RDM1: variants seen among roughly 807,000 people sequenced by gnomAD.
The protein encoded by RDM1 is RAD52 motif containing 1.
Under a neutral mutation model 27.7 loss-of-function variants are expected in RDM1, and 28 were observed. The ratio of observed to expected loss-of-function variants is 1.01; its 90% CI spans 0.75 to 1.39. The LOEUF is 1.39. Among genes scored for constraint, RDM1 ranks in the 40% most tolerant of loss-of-function variants. RDM1 has a pLI of 0.00. For missense variants in RDM1, 277 were observed against 337.3 expected, an observed-to-expected ratio of 0.82 and a Z score of 1.40; for synonymous variants, 124 against 127.5, an observed-to-expected ratio of 0.97 and a Z score of 0.19.
chr17:35,927,605 T>G (rs550341675), intron 2 of RDM1, among the ~76,000 whole-genome samples: 1 of 151,900 alleles, frequency 6.6e-6, no homozygotes, highest in Non-Finnish European at 1.5e-5. Context: ...CGTGCTAAAG[T>G]AGAAAAGAAC....
intron 2 of RDM1, among the ~76,000 whole-genome samples, 188 bp downstream of exon 2, chr17:35,929,888 A>T (rs1399896116): frequency 6.6e-6 from 1 of 152,184 alleles, no homozygotes; most frequent in East Asian, 1.9e-4. Context: ...CTTGTCAGGA[A>T]CCTTAAACAA....
chr17:35,926,625 C>T (rs534489510), intron 2 of RDM1, among the ~76,000 whole-genome samples: 4 of 152,202 alleles, frequency 2.6e-5, no homozygotes, highest in Admixed American at 6.5e-5. Flanking sequence ...AGGATGGTCT[C>T]GATCTCCTGA....
intron 5 of RDM1, 77 bp from the exon 6 acceptor site, chr17:35,920,349 T>C: frequency 1.6e-6 from 1 of 629,066 alleles, no homozygotes; most frequent in Non-Finnish European, 2.7e-6. Context: ...TAGCACCCCA[T>C]GATGAAACAT....
intron 3 of RDM1, 89 bp from the exon 4 acceptor site, chr17:35,924,861 C>T (rs376651183): frequency 1.8e-5 from 24 of 1,362,420 alleles, no homozygotes; most frequent in African/African-American, 7.2e-5. Flanking sequence ...CTTGGCTGGG[C>T]GTGGTGGTTC....
intron 6 of RDM1, among the ~76,000 whole-genome samples, chr17:35,919,239 T>A (rs2702947): frequency 0.23 from 34,761 of 152,026 alleles, 4,810 homozygotes; most frequent in African/African-American, 0.39. Context: ...CTACTTTTTT[T>A]AAAGAATTCC....
Position 35,918,241 on chromosome 17 carries a change from C to A in RDM1, c.*101G>T. 1.0e-6 allele frequency: 1 copy of A among 998,092 alleles called. No individual in the cohort carries two copies. Among genetic ancestry groups the A allele is most frequent in the Non-Finnish European group, 1.5e-6 (1 of 647,040 alleles). The allele number at this position is 998,092 out of a possible 1,614,324, so 61.8% of individuals were successfully genotyped here. ...TTTGGGCGGCCGACCCAGGTGGTTC[C>A]AGGACTCCAGCAGCCTATAGTGGTG... On this transcript the variant is annotated 3_prime_UTR_variant, in exon 7 of 7. Coordinates refer to ENST00000620284, the MANE Select transcript of RDM1 (RefSeq NM_145654.4).
chr17:35,920,127 C>CT lies in RDM1; in HGVS notation c.753+59dup, dbSNP rs546265173. The CT allele has an allele frequency of 2.3e-3, 1,891 of 836,602 alleles. 8 individuals carry two copies. The highest frequency in any genetic ancestry group is 3.3e-3 in the Non-Finnish European group (1,703 of 509,910). 51.8% of individuals were successfully genotyped at this position (836,602 alleles called of 1,614,324 possible). A position where few individuals can be genotyped will look rare whatever the true frequency, so the allele number is the denominator to read the frequency against. On this transcript the variant is annotated intron_variant, in intron 6 of 6. Coordinates refer to ENST00000620284, the MANE Select transcript of RDM1 (RefSeq NM_145654.4). ...ACAAATTATCCTCCAAATTATGCTG[C>CT]TTTTTTTTGAATTATGGTTACACTG...
At chr17:35,923,349 CAAAA>C (rs1013511994) in intron 4 of RDM1, among the ~76,000 whole-genome samples, 4 of 47,266 alleles carry the variant, frequency 8.5e-5, no homozygotes, top group Non-Finnish European at 1.7e-4. Flanking sequence ...GATTCTGTCT[CAAAA>C]AAAAAAAAAA....
chr17:35,919,370 G>A (rs192600022), intron 6 of RDM1, among the ~76,000 whole-genome samples: 4,058 of 125,642 alleles, frequency 0.032, 175 homozygotes, highest in African/African-American at 0.1. Context: ...TGAGAAATAT[G>A]TCATTAGGTG....
At position 35,927,707 on chromosome 17, in the gene RDM1, T is replaced by C. The variant is rs1307308332; in HGVS notation, c.277-2070A>G. 4.6e-5 allele frequency among the ~76,000 whole-genome samples: 7 copies of C among 152,078 alleles called. No homozygotes were observed. The East Asian group carries it at 1.3e-3, about 29-fold the overall frequency. ...TATGAATGCCCTCTCATCTCACCTA[T>C]CTATTGAGTTGTAGAACATTTCCTT... On this transcript the variant is annotated intron_variant, in intron 2 of 6. Coordinates refer to ENST00000620284, the MANE Select transcript of RDM1 (RefSeq NM_145654.4).
rs551775910 is a variant in RDM1, at chr17:35,928,560, C to T, written c.276+1516G>A. On this transcript the variant is annotated intron_variant, in intron 2 of 6. Transcript: ENST00000620284. The stretch of plus-strand genomic sequence containing the variant: ...GGTAGATCACCTGAGTTCAGGAGTT[C>T]GAGACCAGCCTGACCAACATGGAGA... Among the ~76,000 whole-genome samples, 23 of 151,570 alleles carry T rather than the reference C, an allele frequency of 1.5e-4. No individual in the cohort carries two copies. The South Asian group carries it at 4.4e-3, about 29-fold the overall frequency.
chr17:35,928,649 C>A (rs1395293136), intron 2 of RDM1, among the ~76,000 whole-genome samples: 1 of 151,834 alleles, frequency 6.6e-6, no homozygotes, highest in Non-Finnish European at 1.5e-5. Context: ...GTAATCCCTG[C>A]TACTTGGGAG....
At chr17:35,923,559 A>G (rs2089027777) in intron 4 of RDM1, among the ~76,000 whole-genome samples, 1 of 151,166 alleles carries the variant, frequency 6.6e-6, no homozygotes, top group Non-Finnish European at 1.5e-5. Context: ...GCTACTTGGG[A>G]GGCTGAGGCA....
intron 2 of RDM1, among the ~76,000 whole-genome samples, chr17:35,926,679 A>T (rs575980147): frequency 6.6e-6 from 1 of 152,222 alleles, no homozygotes; most frequent in South Asian, 2.1e-4. Flanking sequence ...GCTGGGATAC[A>T]GGTGTGAGCC....
Position 35,924,762 on chromosome 17 carries a change from A to AG in RDM1, c.409dup (p.Leu137ProfsTer3). The AG allele has an allele frequency of 6.2e-7, 1 of 1,613,976 alleles. No individual in the cohort carries two copies. The highest frequency in any genetic ancestry group is 8.5e-7 in the Non-Finnish European group (1 of 1,179,886). On this transcript the variant is annotated frameshift_variant, in exon 4 of 7. Coordinates refer to ENST00000620284, the MANE Select transcript of RDM1 (RefSeq NM_145654.4). LOFTEE classifies it high-confidence loss of function. ...ATTTTCCCTTTCTTCAAGGTCAGAA[A>AG]GCTCCTGAAGCTGTAAGGATATTTA...
intron 5 of RDM1, 197 bp downstream of exon 5, chr17:35,922,380 G>T: frequency 1.6e-6 from 1 of 622,888 alleles, no homozygotes; most frequent in Non-Finnish European, 2.6e-6. Flanking sequence ...GTAAACTGGG[G>T]ACAATATTTG....
chr17:35,929,001 G>A (rs1475401046), intron 2 of RDM1, among the ~76,000 whole-genome samples: 2 of 152,036 alleles, frequency 1.3e-5, no homozygotes, highest in African/African-American at 4.8e-5. Context: ...CTTGAACCCG[G>A]AAGGCAGAGG....
chr17:35,923,507 C>T (rs1017792886), intron 4 of RDM1, among the ~76,000 whole-genome samples: 12 of 151,596 alleles, frequency 7.9e-5, no homozygotes, highest in Admixed American at 7.9e-4. Context: ...AATACAACCA[C>T]AAGAAAATAG....
intron 4 of RDM1, among the ~76,000 whole-genome samples, chr17:35,923,435 C>T (rs993650400): frequency 3.3e-5 from 5 of 150,592 alleles, no homozygotes; most frequent in Non-Finnish European, 7.4e-5. Flanking sequence ...GTGGGCAGAT[C>T]ACTTGAGGTC....
Sources: allele counts gnomAD v4.1 joint callset (sites outside exome capture counted in the v4.1 genomes callset), GRCh38; gene constraint gnomAD v4.1.1; transcripts MANE v1.5; gene names NCBI Gene and HGNC (gene_info 2026-07-23, HGNC 2026-07-21).